The following ASB4 variants were observed in gnomAD, a reference collection of about 807,000 sequenced individuals.
The protein encoded by ASB4 is ankyrin repeat and SOCS box containing 4.
In ASB4, 35 loss-of-function variants were observed where a neutral mutation model predicts 38.6. The ratio of observed to expected loss-of-function variants is 0.91; its 90% confidence interval spans 0.69 to 1.20. The LOEUF (loss-of-function observed/expected upper bound fraction) is 1.20, where lower values mean the gene tolerates loss of function less well. ASB4 is among the 50% of genes most tolerant of loss of function. ASB4 has a pLI of 0.00. For missense variants in ASB4, 557 were observed against 527.2 expected, an observed-to-expected ratio of 1.06 and a Z score of -0.55; for synonymous variants, 195 against 201.3, an observed-to-expected ratio of 0.97 and a Z score of 0.26.
downstream of ASB4, among the ~76,000 whole-genome samples, chr7:95,541,821 G>A (rs1790974173): frequency 6.6e-6 from 1 of 152,170 alleles, no homozygotes; most frequent in African/African-American, 2.4e-5. Flanking sequence ...TTAGCAATGA[G>A]ATCCCTAGCA....
chr7:95,527,243 C>T (rs1790751074), intron 2 of ASB4, among the ~76,000 whole-genome samples: 1 of 151,940 alleles, frequency 6.6e-6, no homozygotes, highest in Non-Finnish European at 1.5e-5. Flanking sequence ...GTGCTGCGTT[C>T]CAAGAAAGCC....
intron 2 of ASB4, among the ~76,000 whole-genome samples, chr7:95,525,362 C>T (rs1303288881): frequency 1.3e-5 from 2 of 152,120 alleles, no homozygotes; most frequent in Non-Finnish European, 2.9e-5. Flanking sequence ...TTTCAAAGTT[C>T]CCAGGAGTTG....
chr7:95,510,619 A>C (rs1284929017), intron 2 of ASB4, among the ~76,000 whole-genome samples: 2 of 152,156 alleles, frequency 1.3e-5, no homozygotes, highest in Non-Finnish European at 2.9e-5. Context: ...ATTTTAGGTC[A>C]ATTTTCTCAA....
At chr7:95,521,547 A>G (rs1248278607) in intron 2 of ASB4, among the ~76,000 whole-genome samples, 1 of 152,050 alleles carries the variant, frequency 6.6e-6, no homozygotes, top group Non-Finnish European at 1.5e-5. Context: ...CAGTAATTCT[A>G]TTTCTTCCTC....
At chr7:95,484,004 T>C (rs1204961954), upstream of ASB4, among the ~76,000 whole-genome samples, 3 of 141,022 alleles carry the variant, frequency 2.1e-5, no homozygotes, top group Non-Finnish European at 4.5e-5. Context: ...TCAAAAATTG[T>C]AAAATGTTTA....
intron 1 of ASB4, among the ~76,000 whole-genome samples, chr7:95,478,926 C>A (rs551475073): frequency 6.6e-6 from 1 of 152,194 alleles, no homozygotes; most frequent in East Asian, 1.9e-4. Context: ...GTTCTTCCAG[C>A]GCCCCCAACT....
Position 95,536,497 on chromosome 7 carries a change from C to G in ASB4, c.1039C>G (p.His347Asp), listed in dbSNP as rs1264716079. Residue 347 changes from histidine (H) to aspartate (D), a missense_variant, in exon 4 of 5, where the codon CAC (histidine) becomes GAC (aspartate). By Grantham distance (81) the His-to-Asp change is moderately conservative (BLOSUM62 -1). Transcript: ENST00000325885. Reference sequence around the variant, plus strand: ...TGAAGTTGTAGTCAATGCCTATGAACACATCAGATGGAACACAAAGTGGAG... The same window carrying G: ...TGAAGTTGTAGTCAATGCCTATGAAGACATCAGATGGAACACAAAGTGGAG... ...AIEVVVNAYE[H>D]IRWNTKWRRA... 4 of 1,613,340 alleles carry G rather than the reference C, an allele frequency of 2.5e-6. No homozygotes were observed. The African/African-American group carries it at 5.3e-5, about 22-fold the overall frequency.
intron 2 of ASB4, among the ~76,000 whole-genome samples, chr7:95,515,316 T>TCTTTCCTTCTTC: frequency 1.0e-5 from 1 of 95,820 alleles, no homozygotes; most frequent in South Asian, 4.1e-4. Flanking sequence ...TTTCTTTCTT[T>TCTTTCCTTCTTC]CTTCCTTCCT....
rs74341719 is a variant in ASB4 at position 95,517,639 on chromosome 7, C to T, written c.488-10174C>T. Among the ~76,000 whole-genome samples the T allele has an allele frequency of 6.8e-4, 103 of 151,582 alleles. 1 individual carries two copies. The highest frequency in any genetic ancestry group is 1.1e-3 in the Non-Finnish European group (73 of 67,906). ...AATTTCAAGAAATGAGTCATCAATA[C>T]CATTAGATATAGTAGAGAGGTGTGG... On this transcript the variant is annotated intron_variant, in intron 2 of 4. Transcript: ENST00000325885.
At chr7:95,529,896 G>C (rs1396027466) in intron 3 of ASB4, among the ~76,000 whole-genome samples, 1 of 152,040 alleles carries the variant, frequency 6.6e-6, no homozygotes, top group East Asian at 1.9e-4. Context: ...AAGTCACACA[G>C]AGTAAGTGTC....
chr7:95,503,038 T>A (rs1341569303), intron 2 of ASB4, among the ~76,000 whole-genome samples: 5 of 152,212 alleles, frequency 3.3e-5, no homozygotes, highest in Non-Finnish European at 7.3e-5. Flanking sequence ...CAGTATGGAC[T>A]GTATAGATGT....
chr7:95,487,249 AT>A (rs1790104166), intron 1 of ASB4, among the ~76,000 whole-genome samples: 1 of 152,156 alleles, frequency 6.6e-6, no homozygotes, highest in Non-Finnish European at 1.5e-5. Context: ...GCTTTATAAT[AT>A]TTTGGCATTA....
In ASB4 at chr7:95,486,009, C is replaced by A; in HGVS notation, c.38C>A (p.Ala13Asp). Reference sequence around the variant, plus strand: ...ACTGCCCCTGTCACTAAATCTGGAGCTGCCAAGTTAGTTAAGAGAAATTTC... The same window carrying A: ...ACTGCCCCTGTCACTAAATCTGGAGATGCCAAGTTAGTTAAGAGAAATTTC... ...GTTAPVTKSG[A>D]AKLVKRNFLE... The change falls in exon 1 of 5, where the codon GCT becomes GAT. Residue 13 changes from alanine to aspartate, a missense_variant. Transcript: ENST00000325885. 1 of 1,614,028 alleles carries A rather than the reference C, an allele frequency of 6.2e-7. No individual in the cohort carries two copies. The highest frequency in any genetic ancestry group is 8.5e-7 in the Non-Finnish European group (1 of 1,179,942).
upstream of ASB4, among the ~76,000 whole-genome samples, chr7:95,482,343 A>T (rs992827410): frequency 1.3e-5 from 2 of 152,194 alleles, no homozygotes; most frequent in African/African-American, 4.8e-5. Flanking sequence ...TCTTTAGGCT[A>T]AAATTTTAAA....
At chr7:95,551,157 T>G in the ASB4 span, among the ~76,000 whole-genome samples, 2 of 152,112 alleles carry the variant, frequency 1.3e-5, no homozygotes, top group Non-Finnish European at 2.9e-5. Flanking sequence ...ATTTTTGAAT[T>G]TTTAGTAGAC....
At chr7:95,548,674 A>G in the ASB4 span, among the ~76,000 whole-genome samples, 8 of 152,154 alleles carry the variant, frequency 5.3e-5, no homozygotes, top group Non-Finnish European at 1.0e-4. Flanking sequence ...TAATTATCAA[A>G]ATTGCTGCTG....
intron 2 of ASB4, among the ~76,000 whole-genome samples, chr7:95,515,173 CTT>C (rs1170456592): frequency 2.6e-4 from 17 of 65,348 alleles, no homozygotes; most frequent in South Asian, 5.1e-4. Flanking sequence ...CTTTCTCTTT[CTT>C]TCTTTCTTTC....
chr7:95,515,103 A>G (rs560076170), intron 2 of ASB4, among the ~76,000 whole-genome samples: 1 of 152,172 alleles, frequency 6.6e-6, no homozygotes, highest in Admixed American at 6.5e-5. Flanking sequence ...CTCCTTCCTC[A>G]TATGAATTCC....
chr7:95,500,254 G>A (rs1056789507), intron 2 of ASB4, among the ~76,000 whole-genome samples: 1 of 152,010 alleles, frequency 6.6e-6, no homozygotes, highest in East Asian at 1.9e-4. Context: ...AAATGTAGTA[G>A]GATTACTGGA....
Sources: gnomAD v4.1 joint callset for allele counts (sites outside exome capture counted in the v4.1 genomes callset) on GRCh38, gnomAD v4.1.1 for gene constraint, MANE v1.5 for transcripts, NCBI Gene and HGNC (gene_info 2026-07-23, HGNC 2026-07-21) for gene names.